The following HLCS variants were observed in gnomAD, a reference collection of about 807,000 sequenced individuals.
The protein encoded by HLCS is holocarboxylase synthetase, also known as biotin--protein ligase.
Under a neutral mutation model 75.0 loss-of-function variants are expected in HLCS, and 53 were observed. That is an observed-to-expected ratio of 0.71 (90% CI 0.57 to 0.89). The LOEUF (loss-of-function observed/expected upper bound fraction) is 0.89, where lower values mean the gene tolerates loss of function less well. HLCS is among the 40% of genes least tolerant of loss of function. The pLI is 0.00. For synonymous variants in HLCS, 431 were observed against 428.6 expected (o/e 1.01, Z -0.07); for missense variants, 966 against 1,074.0 (o/e 0.90, Z 1.41).
chr21:36,880,538 T>C (rs898650443), intron 6 of HLCS, among the ~76,000 whole-genome samples: 1 of 152,074 alleles, frequency 6.6e-6, no homozygotes, highest in African/African-American at 2.4e-5. Flanking sequence ...TTTCCATTTA[T>C]AAAAGAGAAG....
intron 6 of HLCS, among the ~76,000 whole-genome samples, chr21:36,808,565 C>T (rs2061424161): frequency 6.6e-6 from 1 of 152,210 alleles, no homozygotes; most frequent in Non-Finnish European, 1.5e-5. Context: ...TCCGTATCTA[C>T]CCCTGGTCTT....
Position 36,754,324 on chromosome 21 carries a change from G to A in HLCS, c.2544C>T (p.Gly848=), listed in dbSNP as rs142437842. ...CCGGGTGCACAGTCACAACCTCGCCGCCCTCCTGGTGAACCTGGAGGAAGC... is the reference window on the plus strand; with the variant it reads ...CCGGGTGCACAGTCACAACCTCGCCACCCTCCTGGTGAACCTGGAGGAAGC... ...DSGFLQVHQE[G]GEVVTVHPDG... is the part of the protein sequence containing the mutation. Residue 848 remains glycine (G), a synonymous_variant, in exon 11 of 11, where the codon GGC becomes GGT. Coordinates refer to ENST00000674895, the MANE Select transcript of HLCS (RefSeq NM_001352514.2). 93 of 1,613,942 alleles carry A rather than the reference G, an allele frequency of 5.8e-5. No individual in the cohort carries two copies. The East Asian group carries it at 1.0e-3, about 17-fold the overall frequency.
intron 5 of HLCS, among the ~76,000 whole-genome samples, chr21:36,904,957 T>C (rs1474724306): frequency 6.6e-6 from 1 of 152,214 alleles, no homozygotes; most frequent in Non-Finnish European, 1.5e-5. Context: ...CACTCTGCAA[T>C]ACGCAAATGC....
At chr21:36,849,110 A>C (rs2062896865) in intron 6 of HLCS, among the ~76,000 whole-genome samples, 1 of 152,256 alleles carries the variant, frequency 6.6e-6, no homozygotes, top group South Asian at 2.1e-4. Flanking sequence ...ATATAACAGC[A>C]CTGTGAATAA....
chr21:36,771,203 G>A (rs1240206440), intron 6 of HLCS, among the ~76,000 whole-genome samples: 1 of 145,740 alleles, frequency 6.9e-6, no homozygotes. Context: ...CTGGGCGACA[G>A]AGCGAGACTC....
In HLCS at chr21:36,793,295, CT is replaced by C. The variant is rs761549990; in HGVS notation, c.1893-26011del. Among the ~76,000 whole-genome samples the C allele has an allele frequency of 2.6e-3, 300 of 116,228 alleles. 1 individual carries two copies. Among genetic ancestry groups the C allele is most frequent in the Admixed American group, 5.2e-3 (58 of 11,120 alleles). The allele number at this position is 116,228 out of a possible 152,430, so 76.3% of individuals were successfully genotyped here. A position where few individuals can be genotyped will look rare whatever the true frequency, so the allele number is the denominator to read the frequency against. The stretch of plus-strand genomic sequence containing the variant: ...AGAACACGGGACAGCAGGAAGCAGT[CT>C]TTTTTTTTTTTTTTTTTGAGATAGA... On this transcript the variant is annotated intron_variant, in intron 6 of 10. Coordinates refer to ENST00000674895, the MANE Select transcript of HLCS (RefSeq NM_001352514.2).
chr21:36,960,133 C>CG (rs1235863989), intron 2 of HLCS, among the ~76,000 whole-genome samples: 5 of 3,402 alleles, frequency 1.5e-3, no homozygotes, highest in African/African-American at 7.2e-3. Flanking sequence ...AGCCACCCAC[C>CG]CCCCCCCCCC....
At chr21:36,786,002 C>T (rs560317572) in intron 6 of HLCS, among the ~76,000 whole-genome samples, 7 of 152,260 alleles carry the variant, frequency 4.6e-5, no homozygotes, top group African/African-American at 1.7e-4. Flanking sequence ...CTGCAGGTAT[C>T]GACTACAGGC....
intron 8 of HLCS, among the ~76,000 whole-genome samples, chr21:36,764,392 T>C (rs972944879): frequency 2.7e-5 from 4 of 150,890 alleles, no homozygotes; most frequent in African/African-American, 9.8e-5. Flanking sequence ...TGAGACTCTG[T>C]CTCAAAAAAA....
chr21:36,906,935 C>T (rs1342827858), intron 5 of HLCS, among the ~76,000 whole-genome samples: 2 of 152,130 alleles, frequency 1.3e-5, no homozygotes, highest in Admixed American at 6.5e-5. Flanking sequence ...TTTGAGACAG[C>T]GTCTTGCGCT....
intron 5 of HLCS, among the ~76,000 whole-genome samples, chr21:36,915,015 G>A (rs1357678052): frequency 3.3e-5 from 5 of 152,248 alleles, no homozygotes; most frequent in African/African-American, 7.2e-5. Flanking sequence ...CATCCTAGCC[G>A]ACATGCACAC....
intron 6 of HLCS, among the ~76,000 whole-genome samples, chr21:36,887,841 C>T (rs1443183888): frequency 2.0e-5 from 3 of 152,194 alleles, no homozygotes; most frequent in Non-Finnish European, 4.4e-5. Context: ...TGTATTTATT[C>T]TTTGCTCATT....
chr21:36,888,445 A>T (rs11702621), intron 6 of HLCS, among the ~76,000 whole-genome samples: 319 of 23,826 alleles, frequency 0.013, 1 homozygote, highest in South Asian at 0.016. Context: ...AAAAAAAAAA[A>T]ATATATATAT....
chr21:36,876,571 T>C (rs951755417), intron 6 of HLCS, among the ~76,000 whole-genome samples: 1 of 152,210 alleles, frequency 6.6e-6, no homozygotes, highest in African/African-American at 2.4e-5. Context: ...CCTAGATCCA[T>C]TTTTGTTATT....
At chr21:36,912,071 C>CAA (rs71328522) in intron 5 of HLCS, among the ~76,000 whole-genome samples, 39 of 83,638 alleles carry the variant, frequency 4.7e-4, no homozygotes, top group South Asian at 1.2e-3. Flanking sequence ...AACTCCGTCT[C>CAA]AAAAAAAAAA....
intron 6 of HLCS, among the ~76,000 whole-genome samples, chr21:36,883,962 C>T (rs1228806591): frequency 2.6e-5 from 4 of 152,156 alleles, no homozygotes; most frequent in East Asian, 1.9e-4. Context: ...CCCGAAAAGC[C>T]GGCACTGTGG....
At chr21:36,868,545 C>T (rs961859370) in intron 6 of HLCS, among the ~76,000 whole-genome samples, 1 of 152,010 alleles carries the variant, frequency 6.6e-6, no homozygotes, top group Admixed American at 6.6e-5. Context: ...ATGACCAATT[C>T]TATTTTTTCC....
At chr21:36,942,541 C>A (rs987967123) in intron 2 of HLCS, among the ~76,000 whole-genome samples, 8 of 151,082 alleles carry the variant, frequency 5.3e-5, no homozygotes, top group African/African-American at 2.0e-4. Context: ...AGAAGGAAAA[C>A]ACAGGCATAA....
At chr21:36,923,479 G>C (rs564674379) in intron 5 of HLCS, among the ~76,000 whole-genome samples, 1 of 152,216 alleles carries the variant, frequency 6.6e-6, no homozygotes, top group Non-Finnish European at 1.5e-5. Flanking sequence ...CTCGGCCTCA[G>C]AGACCTTATC....
Sources: gnomAD v4.1 joint callset for allele counts (sites outside exome capture counted in the v4.1 genomes callset) on GRCh38, gnomAD v4.1.1 for gene constraint, MANE v1.5 for transcripts, NCBI Gene and HGNC (gene_info 2026-07-23, HGNC 2026-07-21) for gene names.